Variants in ARHGAP29 observed in about 807,000 individuals in gnomAD.
The protein encoded by ARHGAP29 is Rho GTPase activating protein 29, also known as rho GTPase-activating protein 29.
In ARHGAP29, 43 loss-of-function variants were observed where a neutral mutation model predicts 122.6. That is an observed-to-expected ratio of 0.35 (90% CI 0.27 to 0.45). ARHGAP29 has a LOEUF of 0.45. Ranked by LOEUF, ARHGAP29 falls within the 20% of genes least tolerant of loss-of-function variation. The pLI is 1.00. For synonymous variants in ARHGAP29, 506 were observed against 497.1 expected (o/e 1.02, Z -0.24); for missense variants, 1,303 against 1,477.2 (o/e 0.88, Z 1.93).
At chr1:94,293,621 C>A in the ARHGAP29 span, among the ~76,000 whole-genome samples, 9 of 152,088 alleles carry the variant, frequency 5.9e-5, no homozygotes, top group African/African-American at 2.2e-4. Flanking sequence ...TGGAAGTGAC[C>A]CACCTCTTTT....
chr1:94,186,437 A>T (rs900278113), intron 16 of ARHGAP29, 62 bp downstream of exon 16: 9 of 1,159,016 alleles, frequency 7.8e-6, no homozygotes, highest in Non-Finnish European at 1.0e-5. Flanking sequence ...TATTTATCTA[A>T]TATCATGCAG....
chr1:94,262,709 C>T (rs1557893945), intron 1 of ARHGAP29, among the ~76,000 whole-genome samples: 1 of 152,168 alleles, frequency 6.6e-6, no homozygotes, highest in Non-Finnish European at 1.5e-5. Flanking sequence ...GATACCATCT[C>T]ACACCAGTCA....
rs1321518055 is a variant in ARHGAP29, at chr1:94,173,201, A to C, written c.*668T>G. On this transcript the variant is annotated 3_prime_UTR_variant, in exon 23 of 23. Transcript: ENST00000260526. ...ATAACTGAATATATAATTTAGAAAC[A>C]GGTTTAAGTGCATTTTCTTTGTACA... The C allele has an allele frequency of 6.6e-6, 1 of 152,652 alleles. No homozygotes were observed. Among genetic ancestry groups the C allele is most frequent in the Non-Finnish European group, 1.5e-5 (1 of 68,028 alleles). 9.5% of individuals were successfully genotyped at this position (152,652 alleles called of 1,614,324 possible).
At chr1:94,244,891 A>G (rs933831288) in intron 1 of ARHGAP29, among the ~76,000 whole-genome samples, 19 of 152,176 alleles carry the variant, frequency 1.2e-4, no homozygotes, top group African/African-American at 4.1e-4. Context: ...AACTCTTACA[A>G]TTCAATAAAA....
intron 3 of ARHGAP29, among the ~76,000 whole-genome samples, chr1:94,213,658 G>A (rs1651791498): frequency 6.6e-6 from 1 of 152,192 alleles, no homozygotes; most frequent in African/African-American, 2.4e-5. Flanking sequence ...GTGTGCCAAC[G>A]CCTGGTAAAG....
At chr1:94,191,503 CCTAA>C (rs1271243475) in intron 12 of ARHGAP29, 4 of 151,992 alleles carry the variant, frequency 2.6e-5, no homozygotes, top group African/African-American at 9.7e-5. Context: ...TTATTTGTGC[CCTAA>C]CTTCTTCAAG....
chr1:94,225,003 G>C (rs886475892), intron 2 of ARHGAP29, among the ~76,000 whole-genome samples: 2 of 152,104 alleles, frequency 1.3e-5, no homozygotes, highest in African/African-American at 4.8e-5. Flanking sequence ...AAATGAACAT[G>C]ATGACTAAAT....
At chr1:94,195,070 T>A (rs890271836) in intron 12 of ARHGAP29, 4 of 152,192 alleles carry the variant, frequency 2.6e-5, no homozygotes, top group African/African-American at 4.8e-5. Context: ...TATAAAAAGA[T>A]AAAAATTGAA....
At chr1:94,215,678 A>G (rs926788428) in intron 3 of ARHGAP29, among the ~76,000 whole-genome samples, 3 of 152,202 alleles carry the variant, frequency 2.0e-5, no homozygotes, top group Non-Finnish European at 4.4e-5. Flanking sequence ...AAAACATTCA[A>G]GAATTCTATT....
upstream of ARHGAP29, chr1:94,237,828 A>G (rs1653399522): frequency 1.1e-6 from 1 of 952,046 alleles, no homozygotes; most frequent in Non-Finnish European, 1.3e-6. Flanking sequence ...AGAGCGACTC[A>G]GAGAAAAGTC....
At chr1:94,189,435 A>T in intron 13 of ARHGAP29, 83 bp from the exon 14 acceptor site, 1 of 1,393,372 alleles carries the variant, frequency 7.2e-7, no homozygotes. Context: ...GTTTAGAAAA[A>T]TCTATTAATT....
chr1:94,220,365 C>CTCTATGTCCTCTAGAA lies in ARHGAP29; in HGVS notation c.232_233insTTCTAGAGGACATAGA (p.Arg78LeufsTer20). The CTCTATGTCCTCTAGAA allele has an allele frequency of 6.2e-7, 1 of 1,605,624 alleles. No homozygotes were observed. On this transcript the variant is annotated frameshift_variant, in exon 3 of 23. Coordinates refer to ENST00000260526, the MANE Select transcript of ARHGAP29 (RefSeq NM_004815.4). LOFTEE classifies it high-confidence loss of function. The stretch of plus-strand genomic sequence containing the variant: ...TAAAACACGGAGCAGTTCCTCTAGA[C>CTCTATGTCCTCTAGAA]GTATATGAATAACTTCTTTAAAACA...
chr1:94,205,514 A>G (rs912054074), intron 6 of ARHGAP29, 121 bp downstream of exon 6: 5 of 933,952 alleles, frequency 5.4e-6, no homozygotes, highest in African/African-American at 5.0e-5. Flanking sequence ...AAAACTTTAT[A>G]TATCATTTTG....
the ARHGAP29 span, among the ~76,000 whole-genome samples, chr1:94,284,262 A>C: frequency 1.3e-5 from 2 of 152,204 alleles, no homozygotes; most frequent in Non-Finnish European, 2.9e-5. Flanking sequence ...TAAACTTTTA[A>C]ATAGAATTTA....
At chr1:94,296,713 G>C in the ARHGAP29 span, among the ~76,000 whole-genome samples, 1 of 152,148 alleles carries the variant, frequency 6.6e-6, no homozygotes, top group Non-Finnish European at 1.5e-5. Context: ...ACACAGAGCT[G>C]GGTAGAGAAG....
intron 1 of ARHGAP29, among the ~76,000 whole-genome samples, chr1:94,232,323 C>G (rs924835911): frequency 6.6e-6 from 1 of 152,066 alleles, no homozygotes; most frequent in African/African-American, 2.4e-5. Context: ...AGTTCAATTA[C>G]AGTTAGTTTT....
At chr1:94,213,713 T>A (rs1050574779) in intron 3 of ARHGAP29, among the ~76,000 whole-genome samples, 1 of 152,300 alleles carries the variant, frequency 6.6e-6, no homozygotes, top group Non-Finnish European at 1.5e-5. Flanking sequence ...ATCCTAACTC[T>A]CTCTCTTACA....
At chr1:94,220,203 T>C in intron 3 of ARHGAP29, 55 bp downstream of exon 3, 12 of 1,603,400 alleles carry the variant, frequency 7.5e-6, no homozygotes, top group Non-Finnish European at 8.5e-6. Flanking sequence ...GACCAAAATA[T>C]ATCACTTGGC....
the ARHGAP29 span, among the ~76,000 whole-genome samples, chr1:94,286,548 G>C: frequency 6.6e-6 from 1 of 152,048 alleles, no homozygotes; most frequent in Non-Finnish European, 1.5e-5. Flanking sequence ...CACAACTGTA[G>C]TCCCAGCTAC....
Sources: gnomAD v4.1 joint callset for allele counts (sites outside exome capture counted in the v4.1 genomes callset) on GRCh38, gnomAD v4.1.1 for gene constraint, MANE v1.5 for transcripts, NCBI Gene and HGNC (gene_info 2026-07-23, HGNC 2026-07-21) for gene names.